Variants in CLMN observed in about 807,000 individuals in gnomAD.
CLMN encodes the protein calmin, also known as calmin (calponin-like, transmembrane).
A neutral mutation model predicts 92.7 loss-of-function variants in CLMN; 57 were observed. The ratio of observed to expected loss-of-function variants is 0.61; its 90% CI spans 0.50 to 0.77. CLMN has a LOEUF of 0.77. Among genes scored for constraint, CLMN ranks in the 30% least tolerant of loss-of-function variants. The probability of loss-of-function intolerance (pLI) is 0.00; values close to 1 mark genes in which losing one functional copy is unlikely to be tolerated. For missense variants in CLMN, 1,158 were observed against 1,237.5 expected (o/e 0.94, Z 0.96); for synonymous variants, 466 against 470.6 (o/e 0.99, Z 0.13).
Position 95,259,146 on chromosome 14 carries a change from CAG to C in CLMN, c.83-29015_83-29014del, listed in dbSNP as rs1392472968. On this transcript the variant is annotated intron_variant, in intron 1 of 12. Coordinates refer to ENST00000298912, the MANE Select transcript of CLMN (RefSeq NM_024734.4). The surrounding 1 kb of genome is among the most constrained non-coding windows in gnomAD (Gnocchi z 4.3). ...GTGTGTGTGAAGTGGGGTGTGCACT[CAG>C]GGAGTTGGTGCTGCATGGCAGGCTG... is the stretch of plus-strand genomic sequence containing the variant. 2.0e-5 allele frequency among the ~76,000 whole-genome samples: 3 copies of C among 151,798 alleles called. No individual in the cohort carries two copies. Among genetic ancestry groups the C allele is most frequent in the Non-Finnish European group, 4.4e-5 (3 of 67,906 alleles).
At chr14:95,196,413 C>A in intron 10 of CLMN, 85 bp downstream of exon 10, 1 of 1,334,542 alleles carries the variant, frequency 7.5e-7, no homozygotes, top group Non-Finnish European at 1.0e-6. Context: ...ATGCCTGCAC[C>A]TCCCACCCCA....
intron 1 of CLMN, among the ~76,000 whole-genome samples, chr14:95,286,019 G>T (rs909674741): frequency 1.3e-5 from 2 of 152,194 alleles, no homozygotes; most frequent in African/African-American, 4.8e-5. Context: ...GGAGGAGGAA[G>T]GGGAGAAGAG....
At chr14:95,291,552 C>T (rs1425856824) in intron 1 of CLMN, among the ~76,000 whole-genome samples, 1 of 152,212 alleles carries the variant, frequency 6.6e-6, no homozygotes, top group African/African-American at 2.4e-5. Flanking sequence ...GTGAAAGCTC[C>T]AGGAGAGACG....
intron 4 of CLMN, among the ~76,000 whole-genome samples, chr14:95,216,696 C>T (rs972700266): frequency 6.6e-6 from 1 of 152,222 alleles, no homozygotes; most frequent in Non-Finnish European, 1.5e-5. Context: ...AAAGATCCCA[C>T]TGATTAGTTA....
At chr14:95,272,420 A>T (rs758898932) in intron 1 of CLMN, among the ~76,000 whole-genome samples, 1 of 152,214 alleles carries the variant, frequency 6.6e-6, no homozygotes, top group African/African-American at 2.4e-5. Context: ...CAGAACACCC[A>T]GAGATGAAGT....
In CLMN at chr14:95,209,120, T is replaced by C. The variant is rs78694246; in HGVS notation, c.885+275A>G. Among the ~76,000 whole-genome samples the C allele has an allele frequency of 2.2e-3, 332 of 152,326 alleles. 1 individual carries two copies. Among genetic ancestry groups the C allele is most frequent in the Non-Finnish European group, 4.1e-3 (278 of 68,024 alleles). On this transcript the variant is annotated intron_variant, in intron 8 of 12. Coordinates refer to ENST00000298912, the MANE Select transcript of CLMN (RefSeq NM_024734.4). ...TTAATTAAACTTTATCATAGATACA[T>C]ATGTATAGGAAAAAAGTGGTATATA...
chr14:95,304,383 C>G (rs1901184999), intron 1 of CLMN, among the ~76,000 whole-genome samples: 1 of 151,536 alleles, frequency 6.6e-6, no homozygotes, highest in Non-Finnish European at 1.5e-5. Context: ...TCAGTGACAG[C>G]AAGGAAGGAT....
intron 1 of CLMN, among the ~76,000 whole-genome samples, chr14:95,313,640 CAA>C (rs201896524): frequency 4.5e-4 from 41 of 90,700 alleles, no homozygotes; most frequent in Non-Finnish European, 5.3e-4. Context: ...ACTGTTTAAA[CAA>C]AAAAAAAAAA....
At position 95,203,118 on chromosome 14, in the gene CLMN, A is replaced by G. The variant is rs182859603; in HGVS notation, c.2231T>C (p.Val744Ala). 12 of 1,613,250 alleles carry G rather than the reference A, an allele frequency of 7.4e-6. No individual in the cohort carries two copies. The East Asian group carries it at 1.8e-4, about 24-fold the overall frequency. Residue 744 changes from valine (V) to alanine (A), a missense_variant, in exon 9 of 13, where the codon GTA becomes GCA. Physicochemically the swap from Val to Ala is moderately conservative, Grantham distance 64. Coordinates refer to ENST00000298912, the MANE Select transcript of CLMN (RefSeq NM_024734.4). ...ATTTTTTAGATCCTCCGGGTCTTCT[A>G]CATAAGCCTCCAAAACTGCAGCCAG... ...VPLAAVLEAY[V>A]EDPEDLKNEE...
At chr14:95,246,010 G>C (rs974177024) in intron 1 of CLMN, among the ~76,000 whole-genome samples, 3 of 152,088 alleles carry the variant, frequency 2.0e-5, no homozygotes, top group Non-Finnish European at 2.9e-5. Context: ...ATATTCCCTC[G>C]TATTAATCAT....
At chr14:95,215,260 A>C (rs1418381490) in intron 5 of CLMN, among the ~76,000 whole-genome samples, 2 of 152,230 alleles carry the variant, frequency 1.3e-5, no homozygotes, top group Non-Finnish European at 2.9e-5. Flanking sequence ...AGGCATCTTT[A>C]GTGCAAGCTC....
intron 1 of CLMN, among the ~76,000 whole-genome samples, chr14:95,261,208 A>AG (rs56149638): frequency 1.4e-5 from 2 of 145,614 alleles, no homozygotes; most frequent in Non-Finnish European, 3.0e-5. Flanking sequence ...AAAAAAAAAA[A>AG]GTGGCACTAA....
At chr14:95,303,653 C>T (rs922838222) in intron 1 of CLMN, among the ~76,000 whole-genome samples, 3 of 152,216 alleles carry the variant, frequency 2.0e-5, no homozygotes, top group East Asian at 1.9e-4. Flanking sequence ...AACCAGTATT[C>T]AGCAGCAGCC....
At chr14:95,279,680 G>A (rs570717921) in intron 1 of CLMN, among the ~76,000 whole-genome samples, 3 of 152,352 alleles carry the variant, frequency 2.0e-5, no homozygotes, top group Admixed American at 2.0e-4. Flanking sequence ...CTCCTCGGGA[G>A]GATGAGGCAG....
intron 6 of CLMN, among the ~76,000 whole-genome samples, chr14:95,213,014 C>T (rs1439355643): frequency 6.6e-6 from 1 of 152,042 alleles, no homozygotes. Flanking sequence ...GGTCTTGATC[C>T]CTGACCTGGT....
chr14:95,218,393 A>G (rs982432108), intron 4 of CLMN, among the ~76,000 whole-genome samples: 2 of 152,208 alleles, frequency 1.3e-5, no homozygotes, highest in African/African-American at 4.8e-5. Context: ...ACACGGGCAT[A>G]AACACTGTGC....
At chr14:95,209,871 AC>A (rs901384263) in intron 7 of CLMN, among the ~76,000 whole-genome samples, 6 of 152,294 alleles carry the variant, frequency 3.9e-5, no homozygotes, top group East Asian at 1.9e-4. Flanking sequence ...AGATAGCCAA[AC>A]CCTTTAAACA....
At chr14:95,276,032 G>A (rs1205895013) in intron 1 of CLMN, among the ~76,000 whole-genome samples, 7 of 152,158 alleles carry the variant, frequency 4.6e-5, no homozygotes, top group African/African-American at 9.7e-5. Context: ...TCTTTCTTGC[G>A]TGAGATCCAA....
At chr14:95,296,185 A>T (rs1049944642) in intron 1 of CLMN, 4 of 152,312 alleles carry the variant, frequency 2.6e-5, no homozygotes, top group Admixed American at 2.6e-4. Context: ...CTGCTGGTGC[A>T]TCATCCCATA....
Sources: gnomAD v4.1 joint callset for allele counts (sites outside exome capture counted in the v4.1 genomes callset) on GRCh38, gnomAD v4.1.1 for gene constraint, Gnocchi (gnomAD v3.1) non-coding constraint, MANE v1.5 for transcripts, NCBI Gene and HGNC (gene_info 2026-07-23, HGNC 2026-07-21) for gene names.